AXDND1: variants seen among roughly 807,000 people sequenced by gnomAD.
The protein encoded by AXDND1 is axonemal dynein light chain domain containing 1.
In AXDND1, 110 loss-of-function variants were observed where a neutral mutation model predicts 137.5. The observed-to-expected ratio is 0.80, with a 90% CI of 0.69 to 0.94. The LOEUF (loss-of-function observed/expected upper bound fraction) is 0.94, where lower values mean the gene tolerates loss of function less well. AXDND1 is among the 40% of genes least tolerant of loss of function. The pLI, the probability that AXDND1 is intolerant of heterozygous loss-of-function variation, is 0.00. For synonymous variants in AXDND1, 414 were observed against 399.7 expected (o/e 1.04, Z -0.43); for missense variants, 1,191 against 1,169.8 (o/e 1.02, Z -0.26).
chr1:179,524,529 C>T (rs1485063741), intron 21 of AXDND1, among the ~76,000 whole-genome samples: 1 of 152,134 alleles, frequency 6.6e-6, no homozygotes, highest in African/African-American at 2.4e-5. Context: ...ATCTCTCTCT[C>T]CAAACCTATT....
intron 12 of AXDND1, among the ~76,000 whole-genome samples, chr1:179,416,686 T>C (rs919169119): frequency 1.3e-5 from 2 of 152,222 alleles, no homozygotes; most frequent in Non-Finnish European, 2.9e-5. Flanking sequence ...TCACATAAAT[T>C]ATAAGGCTAT....
chr1:179,533,660 C>A, intron 23 of AXDND1, 135 bp from the exon 24 acceptor site: 1 of 467,404 alleles, frequency 2.1e-6, no homozygotes, highest in Non-Finnish European at 3.8e-6. Flanking sequence ...TAAGGGTGTG[C>A]TTAACCATCT....
intron 12 of AXDND1, among the ~76,000 whole-genome samples, chr1:179,413,740 T>A (rs1176480790): frequency 6.6e-6 from 1 of 152,194 alleles, no homozygotes; most frequent in East Asian, 1.9e-4. Flanking sequence ...AATGATTTCT[T>A]TTCCTTTGGG....
At chr1:179,504,623 A>T (rs900447043) in intron 20 of AXDND1, among the ~76,000 whole-genome samples, 4 of 152,162 alleles carry the variant, frequency 2.6e-5, no homozygotes, top group Non-Finnish European at 5.9e-5. Context: ...AATTATCCAG[A>T]TGAGGAGATT....
rs192614090 is a variant in AXDND1, at chr1:179,428,916, C to T, written c.1231-602C>T. On this transcript the variant is annotated intron_variant, in intron 12 of 25. Coordinates refer to ENST00000367618, the MANE Select transcript of AXDND1 (RefSeq NM_144696.6). ...ACTTTCTGCCGGGCGTGGTGGCTCA[C>T]GCCTGTAATCCCAGCACTTTGGGAG... 5.5e-3 allele frequency among the ~76,000 whole-genome samples: 830 copies of T among 152,192 alleles called. 9 individuals are homozygous for T. The highest frequency in any genetic ancestry group is 8.0e-3 in the Non-Finnish European group (544 of 68,024).
chr1:179,461,516 A>G (rs758960037), intron 16 of AXDND1, among the ~76,000 whole-genome samples: 1 of 152,048 alleles, frequency 6.6e-6, no homozygotes, highest in African/African-American at 2.4e-5. Context: ...TTTGCTTAGG[A>G]TTGTCTTGGC....
In AXDND1 at chr1:179,432,446, C is replaced by T. The variant is rs571011677; in HGVS notation, c.1563+104C>T. 214 of 1,370,616 alleles carry T rather than the reference C, an allele frequency of 1.6e-4. 1 individual carries two copies. The highest frequency in any genetic ancestry group is 3.4e-4 in the South Asian group (23 of 67,348). The allele number at this position is 1,370,616 out of a possible 1,614,324, so 84.9% of individuals were successfully genotyped here. On this transcript the variant is annotated intron_variant, in intron 15 of 25. Transcript: ENST00000367618. ...ATCCCATCCTTTTTTTTTTTTGGGA[C>T]GTTGTCTCACTCACTGTCGCCCAGG...
rs188467330 is a variant in AXDND1 at position 179,477,410 on chromosome 1, G to A, written c.1998-5718G>A. Among the ~76,000 whole-genome samples, 208 of 152,156 alleles carry A rather than the reference G, an allele frequency of 1.4e-3. 7 individuals are homozygous for A. The East Asian group carries it at 0.029, about 21-fold the overall frequency. ...CTCACAGTTCCACGTGGCTGGGGAGGCCTCACAAAAAATCATGGTGGAAGG... is the reference window on the plus strand; with the variant it reads ...CTCACAGTTCCACGTGGCTGGGGAGACCTCACAAAAAATCATGGTGGAAGG... On this transcript the variant is annotated intron_variant, in intron 17 of 25. Coordinates refer to ENST00000367618, the MANE Select transcript of AXDND1 (RefSeq NM_144696.6).
chr1:179,439,866 A>G (rs945300734), intron 15 of AXDND1, among the ~76,000 whole-genome samples: 1 of 137,310 alleles, frequency 7.3e-6, no homozygotes, highest in South Asian at 2.2e-4. Context: ...ACGCACCTTG[A>G]GGGCACCCAC....
chr1:179,463,011 C>G (rs1032495406), intron 16 of AXDND1, among the ~76,000 whole-genome samples: 1 of 151,968 alleles, frequency 6.6e-6, no homozygotes, highest in Non-Finnish European at 1.5e-5. Context: ...ATTCTTCTCT[C>G]TTTTCTTTAT....
At position 179,533,845 on chromosome 1, in the gene AXDND1, G is replaced by A; in HGVS notation, c.2766G>A (p.Met922Ile). ...TGGCCCAAAAATATCTTGAAGCAATGGCTGTAATTGAACATATGCAGGAGA... is the reference window on the plus strand; with the variant it reads ...TGGCCCAAAAATATCTTGAAGCAATAGCTGTAATTGAACATATGCAGGAGA... ...GTLAQKYLEA[M>I]AVIEHMQEKL... is the part of the protein sequence containing the mutation. The change falls in exon 24 of 26, where the codon ATG becomes ATA. Residue 922 changes from methionine to isoleucine, a missense_variant. Coordinates refer to ENST00000367618, the MANE Select transcript of AXDND1 (RefSeq NM_144696.6). 6.2e-7 allele frequency: 1 copy of A among 1,613,200 alleles called. No individual in the cohort carries two copies.
chr1:179,488,907 G>C (rs1407046835), intron 18 of AXDND1, among the ~76,000 whole-genome samples: 2 of 145,214 alleles, frequency 1.4e-5, no homozygotes, highest in African/African-American at 5.4e-5. Context: ...GCCAATTTTT[G>C]TATTTTTAGT....
At chr1:179,471,757 G>GTTTACTCTACCTTTTCCATAGTCT (rs368009975) in intron 17 of AXDND1, among the ~76,000 whole-genome samples, 12,865 of 149,394 alleles carry the variant, frequency 0.086, 900 homozygotes, top group African/African-American at 0.17. Context: ...TTTACATTTA[G>GTTTACTCTACCTTTTCCATAGTCT]TTTACTCTAC....
At chr1:179,434,154 T>C (rs2125323716) in intron 15 of AXDND1, among the ~76,000 whole-genome samples, 1 of 152,298 alleles carries the variant, frequency 6.6e-6, no homozygotes, top group Middle Eastern at 3.4e-3. Flanking sequence ...GTCTATTTTG[T>C]CAGAGACTAG....
chr1:179,549,585 C>T (rs1433606266), intron 25 of AXDND1, among the ~76,000 whole-genome samples: 1 of 152,094 alleles, frequency 6.6e-6, no homozygotes, highest in Admixed American at 6.5e-5. Flanking sequence ...CTGGTGTTCA[C>T]TTCTGCTTGT....
intron 25 of AXDND1, among the ~76,000 whole-genome samples, chr1:179,541,862 C>G (rs1172852322): frequency 6.6e-6 from 1 of 152,154 alleles, no homozygotes; most frequent in East Asian, 1.9e-4. Flanking sequence ...TTAAATAAAT[C>G]ATGCTGTATT....
intron 12 of AXDND1, among the ~76,000 whole-genome samples, chr1:179,419,584 G>A (rs1214095348): frequency 1.4e-5 from 2 of 144,552 alleles, no homozygotes; most frequent in Non-Finnish European, 3.0e-5. Context: ...GCTTCAGCTC[G>A]GCATCAGAGG....
intron 18 of AXDND1, among the ~76,000 whole-genome samples, chr1:179,483,713 T>C (rs1028012075): frequency 6.6e-6 from 1 of 152,236 alleles, no homozygotes; most frequent in Admixed American, 6.5e-5. Context: ...TTCTAGAATT[T>C]AATTTTTATA....
At position 179,525,404 on chromosome 1, in the gene AXDND1, A is replaced by G; in HGVS notation, c.2567A>G (p.Glu856Gly). 1 of 1,612,222 alleles carries G rather than the reference A, an allele frequency of 6.2e-7. No individual in the cohort carries two copies. The highest frequency in any genetic ancestry group is 8.5e-7 in the Non-Finnish European group (1 of 1,178,894). ...AAAGAAGATGAAGAAGAAAGTAAGG[A>G]GGATAGGAAACTTCAGGAGGAAAAT... ...SFKEDEEESKEDRKLQEENKE... is the reference protein window; with the variant it reads ...SFKEDEEESKGDRKLQEENKE... Residue 856 changes from glutamate to glycine, a missense_variant, in exon 22 of 26, where the codon GAG (glutamate) becomes GGG (glycine). Glu to Gly is a moderately conservative substitution (Grantham distance 98). Coordinates refer to ENST00000367618, the MANE Select transcript of AXDND1 (RefSeq NM_144696.6).
Sources: allele counts gnomAD v4.1 joint callset (sites outside exome capture counted in the v4.1 genomes callset), GRCh38; gene constraint gnomAD v4.1.1; transcripts MANE v1.5; gene names NCBI Gene and HGNC (gene_info 2026-07-23, HGNC 2026-07-21).